The following MBD5 variants were observed in gnomAD, a reference collection of about 807,000 sequenced individuals.
MBD5 encodes the protein methyl-CpG-binding domain protein 5.
MBD5 carries 13 observed loss-of-function variants against 117.3 expected under a neutral mutation model. The ratio of observed to expected loss-of-function variants is 0.11; its 90% confidence interval spans 0.07 to 0.18. MBD5 has a LOEUF of 0.18. MBD5 is among the 10% of genes least tolerant of loss of function. The pLI is 1.00. For synonymous variants in MBD5, 727 were observed against 766.4 expected, an observed-to-expected ratio of 0.95 and a Z score of 0.85; for missense variants, 1,879 against 2,093.8, an observed-to-expected ratio of 0.90 and a Z score of 2.00.
intron 1 of MBD5, among the ~76,000 whole-genome samples, chr2:148,030,540 A>G (rs1041599664): frequency 6.6e-6 from 1 of 152,062 alleles, no homozygotes; most frequent in Non-Finnish European, 1.5e-5. Context: ...ATAAAGACAT[A>G]AAGTATATGC....
chr2:148,384,197 T>C (rs1170418260), intron 4 of MBD5, among the ~76,000 whole-genome samples: 2 of 152,162 alleles, frequency 1.3e-5, no homozygotes, highest in Non-Finnish European at 2.9e-5. Flanking sequence ...GACATGATTG[T>C]ATATCTAGAA....
intron 2 of MBD5, among the ~76,000 whole-genome samples, chr2:148,182,484 G>A (rs1055160471): frequency 1.3e-5 from 2 of 152,092 alleles, no homozygotes; most frequent in African/African-American, 4.8e-5. Flanking sequence ...TAAGTTAAAT[G>A]CAGTGTAATT....
chr2:148,456,714 G>A (rs987357828), intron 4 of MBD5, among the ~76,000 whole-genome samples: 2 of 152,024 alleles, frequency 1.3e-5, no homozygotes, highest in Non-Finnish European at 2.9e-5. Context: ...GCTACTACTT[G>A]GTACTTTTTA....
At chr2:148,148,780 C>A (rs1044106596) in intron 1 of MBD5, among the ~76,000 whole-genome samples, 7 of 152,074 alleles carry the variant, frequency 4.6e-5, no homozygotes, top group Non-Finnish European at 8.8e-5. Flanking sequence ...TCCTTGTGCA[C>A]CAGTTTAATG....
chr2:148,170,509 C>T (rs1465755988), intron 1 of MBD5, among the ~76,000 whole-genome samples: 1 of 152,070 alleles, frequency 6.6e-6, no homozygotes, highest in Non-Finnish European at 1.5e-5. Context: ...ATAAAGGATT[C>T]TTTGCGGTTT....
In MBD5 at chr2:148,342,243, G is replaced by A. The variant is rs1229595112; in HGVS notation, c.-650G>A. ...AAGAGGTACTCCCTTATAGGGACTC[G>A]TAAAGACATAGAGCATCTGGAAATT... On this transcript the variant is annotated 5_prime_UTR_variant, in exon 4 of 14. Transcript: ENST00000642680. The A allele has an allele frequency of 2.6e-5, 4 of 152,022 alleles. No individual in the cohort carries two copies. The highest frequency in any genetic ancestry group is 2.1e-4 in the South Asian group (1 of 4,822). 9.4% of individuals were successfully genotyped at this position (152,022 alleles called of 1,614,324 possible).
intron 4 of MBD5, among the ~76,000 whole-genome samples, chr2:148,419,622 T>C (rs1359647338): frequency 2.6e-5 from 4 of 152,158 alleles, no homozygotes. Flanking sequence ...CTTGTTACAC[T>C]ATTTACCTAT....
chr2:148,308,812 TC>T (rs1231077830), intron 3 of MBD5, among the ~76,000 whole-genome samples: 10 of 152,142 alleles, frequency 6.6e-5, no homozygotes, highest in African/African-American at 2.4e-4. Context: ...CTTTAATCCA[TC>T]CTAAGTTCAT....
At chr2:148,318,297 GTT>G (rs375528289) in intron 3 of MBD5, among the ~76,000 whole-genome samples, 8 of 144,084 alleles carry the variant, frequency 5.6e-5, no homozygotes, top group Admixed American at 3.5e-4. Context: ...ACTTCTTAAT[GTT>G]TTTTTTTTTA....
intron 4 of MBD5, among the ~76,000 whole-genome samples, chr2:148,422,543 A>G (rs901075038): frequency 2.0e-5 from 3 of 151,996 alleles, no homozygotes; most frequent in Non-Finnish European, 4.4e-5. Context: ...AAGGATCACA[A>G]CTCCTCACCA....
At chr2:148,114,119 T>G (rs1298307645) in intron 1 of MBD5, among the ~76,000 whole-genome samples, 2 of 152,208 alleles carry the variant, frequency 1.3e-5, no homozygotes, top group African/African-American at 2.4e-5. Flanking sequence ...ATTACATTGA[T>G]GAAATAAATC....
chr2:148,306,655 G>A (rs1198668495), intron 3 of MBD5, among the ~76,000 whole-genome samples: 1 of 152,064 alleles, frequency 6.6e-6, no homozygotes, highest in East Asian at 1.9e-4. Context: ...AAACAACAAA[G>A]AACCAGCAAT....
chr2:148,073,049 T>C (rs1220309041), intron 1 of MBD5, among the ~76,000 whole-genome samples: 1 of 142,428 alleles, frequency 7.0e-6, no homozygotes, highest in East Asian at 2.4e-4. Flanking sequence ...CCCACCACCA[T>C]AGAACTGGCT....
chr2:148,198,829 G>C (rs916879695), intron 2 of MBD5, among the ~76,000 whole-genome samples: 2 of 152,004 alleles, frequency 1.3e-5, no homozygotes, highest in African/African-American at 4.8e-5. Context: ...ATCATAAGAG[G>C]ACATGATGAC....
intron 4 of MBD5, among the ~76,000 whole-genome samples, chr2:148,401,690 A>G (rs1003378488): frequency 6.6e-6 from 1 of 152,152 alleles, no homozygotes; most frequent in Non-Finnish European, 1.5e-5. Context: ...CTGCCTAACC[A>G]TAATCTAATT....
At chr2:148,156,686 C>T (rs1466623311) in intron 1 of MBD5, among the ~76,000 whole-genome samples, 5 of 152,086 alleles carry the variant, frequency 3.3e-5, no homozygotes, top group Non-Finnish European at 7.4e-5. Flanking sequence ...TAGCATAGCG[C>T]CTTTCACTTA....
At chr2:148,452,707 C>T (rs1706764738) in intron 4 of MBD5, among the ~76,000 whole-genome samples, 1 of 151,984 alleles carries the variant, frequency 6.6e-6, no homozygotes, top group South Asian at 2.1e-4. Context: ...TAAAATGTGT[C>T]TATAAACCAC....
intron 1 of MBD5, among the ~76,000 whole-genome samples, chr2:148,117,231 A>G (rs1410061433): frequency 6.6e-6 from 1 of 152,128 alleles, no homozygotes; most frequent in Non-Finnish European, 1.5e-5. Flanking sequence ...TTTAGAGATT[A>G]TGACGAAAAG....
At chr2:148,147,101 TAATA>T (rs1697486023) in intron 1 of MBD5, among the ~76,000 whole-genome samples, 1 of 152,072 alleles carries the variant, frequency 6.6e-6, no homozygotes, top group Non-Finnish European at 1.5e-5. Context: ...CATCTTTGTC[TAATA>T]AATCTAATAT....
Sources: allele counts gnomAD v4.1 joint callset (sites outside exome capture counted in the v4.1 genomes callset), GRCh38; gene constraint gnomAD v4.1.1; transcripts MANE v1.5; gene names NCBI Gene and HGNC (gene_info 2026-07-23, HGNC 2026-07-21).